Variants in STX8 observed in about 807,000 individuals in gnomAD.
STX8 encodes syntaxin-8.
In STX8, 23 loss-of-function variants were observed where a neutral mutation model predicts 37.5. The observed-to-expected ratio is 0.61, with a 90% confidence interval of 0.44 to 0.87. The LOEUF (loss-of-function observed/expected upper bound fraction) is 0.87. Among genes scored for constraint, STX8 ranks in the 40% least tolerant of loss-of-function variants. The probability of loss-of-function intolerance (pLI) is 0.00; values close to 1 mark genes in which losing one functional copy is unlikely to be tolerated. For missense variants in STX8, 313 were observed against 284.7 expected, an observed-to-expected ratio of 1.10 and a Z score of -0.71; for synonymous variants, 115 against 99.1, an observed-to-expected ratio of 1.16 and a Z score of -0.95.
At chr17:9,548,995 C>T (rs2142577496) in intron 3 of STX8, among the ~76,000 whole-genome samples, 1 of 152,244 alleles carries the variant, frequency 6.6e-6, no homozygotes, top group Admixed American at 6.5e-5. Flanking sequence ...AATAAAAACA[C>T]AAGCTTCAGA....
intron 7 of STX8, among the ~76,000 whole-genome samples, chr17:9,265,982 A>G (rs1907218039): frequency 6.6e-6 from 1 of 152,116 alleles, no homozygotes; most frequent in Admixed American, 6.6e-5. Flanking sequence ...CTCGAGTCCT[A>G]GGGATACCAG....
intron 6 of STX8, among the ~76,000 whole-genome samples, chr17:9,485,795 AG>A (rs1906572022): frequency 2.0e-5 from 3 of 152,150 alleles, no homozygotes; most frequent in Non-Finnish European, 4.4e-5. Flanking sequence ...CATATTGACC[AG>A]GCTGGTCTCA....
At chr17:9,375,312 A>C (rs1316012251) in intron 7 of STX8, among the ~76,000 whole-genome samples, 1 of 152,174 alleles carries the variant, frequency 6.6e-6, no homozygotes, top group Non-Finnish European at 1.5e-5. Context: ...TCAAAAAACA[A>C]CACTTAAGAG....
chr17:9,486,673 C>T (rs987194446), intron 6 of STX8, among the ~76,000 whole-genome samples: 35 of 151,812 alleles, frequency 2.3e-4, no homozygotes, highest in African/African-American at 5.8e-4. Context: ...CAACACAGGG[C>T]GACCGGACCC....
intron 6 of STX8, among the ~76,000 whole-genome samples, chr17:9,428,826 C>A (rs1387913197): frequency 6.6e-6 from 1 of 152,138 alleles, no homozygotes; most frequent in Non-Finnish European, 1.5e-5. Flanking sequence ...TTAATTCAGA[C>A]TAGCCACATT....
In STX8 at chr17:9,485,855, G is replaced by A. The variant is rs1906575018; in HGVS notation, c.541+5974C>T. Among the ~76,000 whole-genome samples the A allele has an allele frequency of 1.3e-5, 2 of 152,076 alleles. 1 individual carries two copies. The highest frequency in any genetic ancestry group is 1.3e-4 in the Admixed American group (2 of 15,262). ...CCTACCTTGGCCTCCCAAAGTACTGGGATTACAGGCATAAGCCACCATGCT... is the reference window on the plus strand; with the variant it reads ...CCTACCTTGGCCTCCCAAAGTACTGAGATTACAGGCATAAGCCACCATGCT... On this transcript the variant is annotated intron_variant, in intron 6 of 7. Transcript: ENST00000306357.
Position 9,492,778 on chromosome 17 carries a change from A to G in STX8, c.449-857T>C, listed in dbSNP as rs142454852. Among the ~76,000 whole-genome samples, 753 of 152,090 alleles carry G rather than the reference A, an allele frequency of 5.0e-3. 4 individuals carry two copies. Among genetic ancestry groups the G allele is most frequent in the Non-Finnish European group, 6.9e-3 (466 of 67,972 alleles). Reference sequence around the variant, plus strand: ...ATCCTGCATCAAAAAGTAAGATCTCACCTCTAGAAAATTTTCTTTAAAAAA... The same window carrying G: ...ATCCTGCATCAAAAAGTAAGATCTCGCCTCTAGAAAATTTTCTTTAAAAAA... On this transcript the variant is annotated intron_variant, in intron 5 of 7. Coordinates refer to ENST00000306357, the MANE Select transcript of STX8 (RefSeq NM_004853.3).
chr17:9,504,867 G>A (rs1036843588), intron 5 of STX8, among the ~76,000 whole-genome samples, 171 bp downstream of exon 5: 4 of 150,544 alleles, frequency 2.7e-5, no homozygotes, highest in African/African-American at 7.3e-5. Flanking sequence ...CCAGCTTCTC[G>A]GGAGGCTGAG....
intron 5 of STX8, among the ~76,000 whole-genome samples, chr17:9,494,038 T>C (rs56301458): frequency 0.18 from 26,491 of 151,028 alleles, 2,526 homozygotes; most frequent in South Asian, 0.24. Flanking sequence ...GTTTTTGAGA[T>C]GGAGTCTCAC....
intron 7 of STX8, among the ~76,000 whole-genome samples, chr17:9,257,410 C>A (rs1906840396): frequency 6.6e-6 from 1 of 152,082 alleles, no homozygotes. Flanking sequence ...CTGCCAACGC[C>A]CCTGCCACAA....
At chr17:9,414,783 CTTTTTTTT>C (rs10552538) in intron 6 of STX8, among the ~76,000 whole-genome samples, 10 of 57,438 alleles carry the variant, frequency 1.7e-4, no homozygotes, top group South Asian at 1.9e-3. Context: ...CTGAGTTCTG[CTTTTTTTT>C]TTTTTTTTTT....
chr17:9,392,951 T>C (rs1278262994), intron 6 of STX8, among the ~76,000 whole-genome samples: 1 of 152,150 alleles, frequency 6.6e-6, no homozygotes, highest in African/African-American at 2.4e-5. Context: ...AAATAATGGT[T>C]GAAAGTTTTC....
intron 6 of STX8, among the ~76,000 whole-genome samples, chr17:9,404,107 C>A (rs562044737): frequency 6.6e-6 from 1 of 152,162 alleles, no homozygotes; most frequent in Admixed American, 6.5e-5. Context: ...AGGAAATATT[C>A]AGAAAATCAT....
At chr17:9,526,477 G>A (rs1052988848) in intron 4 of STX8, among the ~76,000 whole-genome samples, 4 of 151,898 alleles carry the variant, frequency 2.6e-5, no homozygotes, top group African/African-American at 4.8e-5. Flanking sequence ...AAAATTGCTC[G>A]GTAAACAGAG....
intron 6 of STX8, among the ~76,000 whole-genome samples, chr17:9,444,243 C>T (rs535250800): frequency 4.0e-4 from 61 of 152,312 alleles, no homozygotes; most frequent in African/African-American, 1.4e-3. Flanking sequence ...CCCACTTTGG[C>T]CTCCCAAAGC....
At chr17:9,330,395 T>C (rs79882727) in intron 7 of STX8, among the ~76,000 whole-genome samples, 1 of 152,002 alleles carries the variant, frequency 6.6e-6, no homozygotes, top group Non-Finnish European at 1.5e-5. Context: ...GGGAGTGAGG[T>C]TGTGCCTGGA....
At chr17:9,412,704 T>C (rs974566690) in intron 6 of STX8, among the ~76,000 whole-genome samples, 3 of 152,224 alleles carry the variant, frequency 2.0e-5, no homozygotes, top group African/African-American at 4.8e-5. Context: ...TCACCATAAC[T>C]GATGTGCCCT....
chr17:9,488,270 G>A (rs374379269), intron 6 of STX8, among the ~76,000 whole-genome samples: 1 of 151,252 alleles, frequency 6.6e-6, no homozygotes, highest in African/African-American at 2.4e-5. Flanking sequence ...AGGTTGCAGT[G>A]AGCCGAGATC....
intron 6 of STX8, among the ~76,000 whole-genome samples, chr17:9,445,217 A>G (rs988563093): frequency 6.6e-6 from 1 of 152,040 alleles, no homozygotes. Flanking sequence ...AGCTTTCCAG[A>G]GCAACATAAA....
Sources: allele counts gnomAD v4.1 joint callset (sites outside exome capture counted in the v4.1 genomes callset), GRCh38; gene constraint gnomAD v4.1.1; transcripts MANE v1.5; gene names NCBI Gene and HGNC (gene_info 2026-07-23, HGNC 2026-07-21).